The following CLSTN2 variants were observed in gnomAD, a reference collection of about 807,000 sequenced individuals.
CLSTN2 encodes the protein calsyntenin 2.
In CLSTN2, 48 loss-of-function variants were observed where a neutral mutation model predicts 101.2. The observed-to-expected ratio is 0.47, with a 90% CI of 0.38 to 0.60. The LOEUF (loss-of-function observed/expected upper bound fraction) is 0.60. Among genes scored for constraint, CLSTN2 ranks in the 20% least tolerant of loss-of-function variants. CLSTN2 has a pLI of 0.00. For synonymous variants in CLSTN2, 481 were observed against 463.6 expected (o/e 1.04, Z -0.48); for missense variants, 1,160 against 1,238.2 (o/e 0.94, Z 0.95).
chr3:140,470,467 G>C (rs1185381236), intron 8 of CLSTN2, among the ~76,000 whole-genome samples: 2 of 152,226 alleles, frequency 1.3e-5, no homozygotes, highest in Non-Finnish European at 2.9e-5. Context: ...CCTAGTGGCA[G>C]AGCAGTGAGC....
rs1419813589 is a variant in CLSTN2, at chr3:140,009,609, G to T, written c.109+74126G>T. Among the ~76,000 whole-genome samples, 3 of 152,030 alleles carry T rather than the reference G, an allele frequency of 2.0e-5. No homozygotes were observed. In the East Asian group the frequency reaches 5.8e-4, roughly 29 times the overall value. On this transcript the variant is annotated intron_variant, in intron 1 of 16. Transcript: ENST00000458420. Reference sequence around the variant, plus strand: ...TATTTTTCCAAGTCAATAAATTTATGTTTACATTGTCTTTTAAAGTGTTTT... The same window carrying T: ...TATTTTTCCAAGTCAATAAATTTATTTTTACATTGTCTTTTAAAGTGTTTT...
intron 16 of CLSTN2, among the ~76,000 whole-genome samples, chr3:140,565,646 C>T (rs555395221): frequency 3.3e-5 from 5 of 152,336 alleles, no homozygotes; most frequent in African/African-American, 1.2e-4. Context: ...GGAAAAGAGA[C>T]ACAAGATCAA....
chr3:140,434,500 C>T (rs1035508270), intron 5 of CLSTN2, among the ~76,000 whole-genome samples: 3 of 152,180 alleles, frequency 2.0e-5, no homozygotes, highest in Admixed American at 2.0e-4. Context: ...ACAGGGCAGT[C>T]AGGGCACTGA....
chr3:140,267,653 G>A (rs1400218029), intron 2 of CLSTN2, among the ~76,000 whole-genome samples: 1 of 152,150 alleles, frequency 6.6e-6, no homozygotes, highest in Non-Finnish European at 1.5e-5. Flanking sequence ...TCAGACACAA[G>A]CCCAGAAGTT....
At chr3:140,296,705 T>A (rs2087007507) in intron 2 of CLSTN2, among the ~76,000 whole-genome samples, 1 of 152,048 alleles carries the variant, frequency 6.6e-6, no homozygotes, top group Non-Finnish European at 1.5e-5. Context: ...TCTATAGAGG[T>A]TTTTAAGGTT....
intron 2 of CLSTN2, among the ~76,000 whole-genome samples, chr3:140,319,915 C>T (rs1231899221): frequency 6.6e-6 from 1 of 152,252 alleles, no homozygotes; most frequent in Non-Finnish European, 1.5e-5. Context: ...TTGCTGCAAA[C>T]AACTCGCAGC....
At chr3:140,091,816 A>G (rs1023216390) in intron 1 of CLSTN2, among the ~76,000 whole-genome samples, 1 of 152,228 alleles carries the variant, frequency 6.6e-6, no homozygotes, top group South Asian at 2.1e-4. Context: ...AATGGGAACA[A>G]TAGCCTCTGT....
chr3:140,147,650 G>A (rs767300166), intron 1 of CLSTN2, among the ~76,000 whole-genome samples: 3 of 152,050 alleles, frequency 2.0e-5, no homozygotes, highest in Non-Finnish European at 2.9e-5. Flanking sequence ...TAAGAGTATA[G>A]GCATGCTTCC....
chr3:140,496,449 G>A (rs1437027159), intron 8 of CLSTN2, among the ~76,000 whole-genome samples: 2 of 152,032 alleles, frequency 1.3e-5, no homozygotes, highest in Non-Finnish European at 2.9e-5. Context: ...ATTTGAATAC[G>A]TTTCATTTCT....
intron 2 of CLSTN2, among the ~76,000 whole-genome samples, chr3:140,348,967 C>G (rs2087579532): frequency 6.6e-6 from 1 of 152,200 alleles, no homozygotes; most frequent in Non-Finnish European, 1.5e-5. Flanking sequence ...GCCTGTGTCC[C>G]CACCCAAATC....
intron 8 of CLSTN2, among the ~76,000 whole-genome samples, chr3:140,517,488 G>T (rs1309985761): frequency 1.3e-5 from 2 of 152,158 alleles, no homozygotes; most frequent in African/African-American, 4.8e-5. Flanking sequence ...CTGCTGTTCA[G>T]ATTTTTTTGT....
chr3:140,409,170 G>A (rs2088336630), intron 4 of CLSTN2, among the ~76,000 whole-genome samples: 1 of 152,232 alleles, frequency 6.6e-6, no homozygotes, highest in South Asian at 2.1e-4. Flanking sequence ...GACTGCTATA[G>A]TCATGCATGT....
intron 2 of CLSTN2, among the ~76,000 whole-genome samples, chr3:140,217,448 C>T (rs777067507): frequency 6.6e-6 from 1 of 152,152 alleles, no homozygotes; most frequent in South Asian, 2.1e-4. Flanking sequence ...AATGAACCTG[C>T]TCCATGGTTT....
At chr3:140,429,514 G>T (rs1057179487) in intron 5 of CLSTN2, among the ~76,000 whole-genome samples, 20 of 152,148 alleles carry the variant, frequency 1.3e-4, no homozygotes, top group Non-Finnish European at 2.5e-4. Context: ...TCAGAGGGAA[G>T]AAGACTGGAC....
At chr3:140,272,610 G>A (rs1378221868) in intron 2 of CLSTN2, among the ~76,000 whole-genome samples, 2 of 152,058 alleles carry the variant, frequency 1.3e-5, no homozygotes, top group Non-Finnish European at 2.9e-5. Flanking sequence ...AAATTAACTG[G>A]GTATGGTGGT....
chr3:140,250,413 G>T (rs913751799), intron 2 of CLSTN2, among the ~76,000 whole-genome samples: 2 of 152,174 alleles, frequency 1.3e-5, no homozygotes, highest in African/African-American at 4.8e-5. Context: ...TCCATGGCCG[G>T]TGGCTACAGC....
At chr3:140,148,015 C>G (rs1000839023) in intron 1 of CLSTN2, among the ~76,000 whole-genome samples, 1 of 152,122 alleles carries the variant, frequency 6.6e-6, no homozygotes, top group African/African-American at 2.4e-5. Context: ...TAGTCTGCGA[C>G]TTATAAAGAG....
chr3:140,428,231 T>C (rs2088593455), intron 5 of CLSTN2, among the ~76,000 whole-genome samples: 1 of 152,226 alleles, frequency 6.6e-6, no homozygotes, highest in Non-Finnish European at 1.5e-5. Context: ...TTGTTTATGC[T>C]TTCCTTTATT....
intron 4 of CLSTN2, 105 bp from the exon 5 acceptor site, chr3:140,421,020 G>A: frequency 1.7e-6 from 2 of 1,149,780 alleles, no homozygotes; most frequent in East Asian, 2.4e-5. Flanking sequence ...AAGGAAAAGG[G>A]TCACTTTCTT....
Sources: gnomAD v4.1 joint callset for allele counts (sites outside exome capture counted in the v4.1 genomes callset) on GRCh38, gnomAD v4.1.1 for gene constraint, MANE v1.5 for transcripts, NCBI Gene and HGNC (gene_info 2026-07-23, HGNC 2026-07-21) for gene names.